OPCML: variants seen among roughly 807,000 people sequenced by gnomAD.
The protein encoded by OPCML is opioid-binding protein/cell adhesion molecule.
In OPCML, 13 loss-of-function variants were observed where a neutral mutation model predicts 37.8. That is an observed-to-expected ratio of 0.34 (90% CI 0.22 to 0.55). OPCML has a LOEUF of 0.55. OPCML is among the 20% of genes least tolerant of loss of function. The pLI is 0.91. For missense variants in OPCML, 341 were observed against 435.6 expected (o/e 0.78, Z 1.93); for synonymous variants, 176 against 168.8 (o/e 1.04, Z -0.33).
intron 2 of OPCML, among the ~76,000 whole-genome samples, chr11:132,738,866 G>T (rs7124526): frequency 0.055 from 8,388 of 152,176 alleles, 666 homozygotes; most frequent in African/African-American, 0.18. Context: ...TCTCAGAAAG[G>T]TGAGAATGTC....
At chr11:133,154,205 C>T (rs898407185) in intron 1 of OPCML, among the ~76,000 whole-genome samples, 5 of 140,692 alleles carry the variant, frequency 3.6e-5, no homozygotes, top group Middle Eastern at 3.3e-3. Flanking sequence ...CACGAATGTG[C>T]TCATGCTTCT....
intron 1 of OPCML, among the ~76,000 whole-genome samples, chr11:132,992,876 G>A (rs1353356232): frequency 6.6e-6 from 1 of 152,154 alleles, no homozygotes; most frequent in African/African-American, 2.4e-5. Context: ...TTATTGGAAT[G>A]GCTGTTTGTT....
chr11:132,771,048 A>G lies in OPCML; in HGVS notation c.147-113729T>C, dbSNP rs542011650. Among the ~76,000 whole-genome samples the G allele has an allele frequency of 2.0e-5, 3 of 152,294 alleles. No homozygotes were observed. In the South Asian group the frequency reaches 6.2e-4, roughly 32 times the overall value. On this transcript the variant is annotated intron_variant, in intron 2 of 7. Transcript: ENST00000524381. ...AGTCCTGATCGCAGGGTAGTTCAGT[A>G]TCATAATCCAAAGAATTAGATAGAA...
intron 2 of OPCML, among the ~76,000 whole-genome samples, chr11:132,836,722 G>T (rs1413576234): frequency 6.6e-6 from 1 of 152,130 alleles, no homozygotes; most frequent in Non-Finnish European, 1.5e-5. Flanking sequence ...TAGAGGCAAG[G>T]ATATGTACGG....
chr11:133,185,275 G>A (rs1592083408), intron 1 of OPCML, among the ~76,000 whole-genome samples: 1 of 152,180 alleles, frequency 6.6e-6, no homozygotes, highest in South Asian at 2.1e-4. Context: ...GCCCATTTAT[G>A]TTTGTATAAG....
chr11:133,265,309 G>T (rs1472277191), intron 1 of OPCML, among the ~76,000 whole-genome samples: 2 of 152,220 alleles, frequency 1.3e-5, no homozygotes, highest in African/African-American at 4.8e-5. Flanking sequence ...TGGGGACACA[G>T]CCACATAGCA....
chr11:132,989,742 C>T (rs1403977033), intron 1 of OPCML, among the ~76,000 whole-genome samples: 1 of 151,898 alleles, frequency 6.6e-6, no homozygotes, highest in Non-Finnish European at 1.5e-5. Flanking sequence ...GAGAGTGTAT[C>T]ATGGGCCACT....
At chr11:133,423,419 G>A in intron 1 of OPCML, 1 of 985,386 alleles carries the variant, frequency 1.0e-6, no homozygotes, top group South Asian at 4.7e-5. Context: ...AACTCAGAGA[G>A]TTCCGCCTGC....
At chr11:133,459,580 G>A (rs1050644812) in intron 1 of OPCML, among the ~76,000 whole-genome samples, 8 of 152,072 alleles carry the variant, frequency 5.3e-5, no homozygotes, top group Non-Finnish European at 1.2e-4. Flanking sequence ...GAGCAAAAAC[G>A]GCCAACTAAT....
intron 2 of OPCML, among the ~76,000 whole-genome samples, chr11:132,765,060 G>A (rs1047843358): frequency 8.6e-5 from 13 of 151,804 alleles, no homozygotes; most frequent in African/African-American, 2.4e-4. Flanking sequence ...GCTAGCGTTC[G>A]TTTTGCTGAC....
intron 2 of OPCML, among the ~76,000 whole-genome samples, chr11:132,736,759 A>G (rs989862265): frequency 3.3e-5 from 5 of 152,164 alleles, no homozygotes; most frequent in Non-Finnish European, 5.9e-5. Context: ...CAGATCCTTC[A>G]GCCCCAGGTA....
At chr11:133,499,771 AATATAT>A (rs374151325) in intron 1 of OPCML, among the ~76,000 whole-genome samples, 1 of 141,272 alleles carries the variant, frequency 7.1e-6, no homozygotes, top group African/African-American at 2.6e-5. Context: ...CAGAAAAATA[AATATAT>A]ATATATATAT....
At chr11:132,872,354 T>A (rs1319579769) in intron 2 of OPCML, among the ~76,000 whole-genome samples, 1 of 152,224 alleles carries the variant, frequency 6.6e-6, no homozygotes, top group Non-Finnish European at 1.5e-5. Context: ...TGCTATGGGC[T>A]GTTGCAGATC....
chr11:133,165,586 GAATA>G (rs1166154225), intron 1 of OPCML, among the ~76,000 whole-genome samples: 1 of 152,228 alleles, frequency 6.6e-6, no homozygotes, highest in East Asian at 1.9e-4. Context: ...AGGTCAATTG[GAATA>G]AATTTCCTCC....
At chr11:132,506,589 G>A (rs1167353736) in intron 4 of OPCML, among the ~76,000 whole-genome samples, 1 of 152,136 alleles carries the variant, frequency 6.6e-6, no homozygotes, top group Non-Finnish European at 1.5e-5. Flanking sequence ...TGCCAAGATA[G>A]GAAGGAGGAT....
chr11:132,898,238 T>C (rs545741769), intron 2 of OPCML, among the ~76,000 whole-genome samples: 2 of 152,328 alleles, frequency 1.3e-5, no homozygotes, highest in South Asian at 2.1e-4. Flanking sequence ...GTTGATTACA[T>C]TGGATGGCTT....
intron 2 of OPCML, among the ~76,000 whole-genome samples, chr11:132,838,172 A>G (rs946680916): frequency 1.3e-5 from 2 of 152,190 alleles, no homozygotes; most frequent in Non-Finnish European, 2.9e-5. Context: ...AAACTAAATA[A>G]CAAAACATGT....
At chr11:132,760,131 G>A (rs1041362630) in intron 2 of OPCML, among the ~76,000 whole-genome samples, 47 of 152,276 alleles carry the variant, frequency 3.1e-4, no homozygotes, top group African/African-American at 9.9e-4. Context: ...TTAATCCTGA[G>A]TTCTAATTTG....
chr11:132,458,631 T>C (rs966868269), intron 4 of OPCML, among the ~76,000 whole-genome samples: 2 of 152,230 alleles, frequency 1.3e-5, no homozygotes, highest in African/African-American at 4.8e-5. Flanking sequence ...TGAATAATTT[T>C]TTTAAAAATA....
Sources: gnomAD v4.1 joint callset for allele counts (sites outside exome capture counted in the v4.1 genomes callset) on GRCh38, gnomAD v4.1.1 for gene constraint, MANE v1.5 for transcripts, NCBI Gene and HGNC (gene_info 2026-07-23, HGNC 2026-07-21) for gene names.